Variants in UBE2H observed in about 807,000 individuals in gnomAD.
UBE2H encodes ubiquitin conjugating enzyme E2 H, also known as ubiquitin-conjugating enzyme E2 H.
In UBE2H, 3 loss-of-function variants were observed where a neutral mutation model predicts 29.0. The ratio of observed to expected loss-of-function variants is 0.10; its 90% confidence interval spans 0.05 to 0.27. The LOEUF is 0.27. UBE2H is among the 10% of genes least tolerant of loss of function. The pLI, the probability that UBE2H is intolerant of heterozygous loss-of-function variation, is 1.00. For synonymous variants in UBE2H, 69 were observed against 82.9 expected (o/e 0.83, Z 0.91); for missense variants, 68 against 228.2 (o/e 0.30, Z 4.52).
At chr7:129,885,875 TATA>T (rs1448730889) in intron 1 of UBE2H, among the ~76,000 whole-genome samples, 1 of 152,130 alleles carries the variant, frequency 6.6e-6, no homozygotes, top group Non-Finnish European at 1.5e-5. Flanking sequence ...CCACAAAATA[TATA>T]ATAATTACTT....
intron 1 of UBE2H, among the ~76,000 whole-genome samples, chr7:129,947,421 T>A (rs185793316): frequency 9.3e-4 from 141 of 152,270 alleles, no homozygotes; most frequent in Non-Finnish European, 1.7e-3. Context: ...AGGTTCCCAA[T>A]TGACACTAGA....
At chr7:129,873,845 T>C (rs975688237) in intron 3 of UBE2H, among the ~76,000 whole-genome samples, 4 of 152,108 alleles carry the variant, frequency 2.6e-5, no homozygotes, top group African/African-American at 4.8e-5. Flanking sequence ...TTCTCAACCA[T>C]TTCTCTTACC....
At chr7:129,912,937 A>G (rs1303376231) in intron 1 of UBE2H, among the ~76,000 whole-genome samples, 2 of 152,178 alleles carry the variant, frequency 1.3e-5, no homozygotes, top group Non-Finnish European at 2.9e-5. Context: ...ATAAAAGTCA[A>G]GGTTTCAAAG....
At chr7:129,934,638 TAAAAAAAAAAA>T (rs758214225) in intron 1 of UBE2H, among the ~76,000 whole-genome samples, 2 of 65,840 alleles carry the variant, frequency 3.0e-5, no homozygotes, top group African/African-American at 5.9e-5. Flanking sequence ...ACTCCGTCTT[TAAAAAAAAAAA>T]AAAAAAAAAA....
At chr7:129,946,936 A>C (rs1807777022) in intron 1 of UBE2H, among the ~76,000 whole-genome samples, 1 of 152,220 alleles carries the variant, frequency 6.6e-6, no homozygotes, top group African/African-American at 2.4e-5. Flanking sequence ...ATGCCTAAAA[A>C]TCCAATGATT....
intron 1 of UBE2H, among the ~76,000 whole-genome samples, chr7:129,926,656 C>T (rs902776065): frequency 1.3e-5 from 2 of 152,136 alleles, no homozygotes; most frequent in African/African-American, 4.8e-5. Flanking sequence ...TAATGTGCCA[C>T]AAATCCATTC....
At chr7:129,886,020 T>C (rs1259078834) in intron 1 of UBE2H, among the ~76,000 whole-genome samples, 1 of 152,234 alleles carries the variant, frequency 6.6e-6, no homozygotes, top group Non-Finnish European at 1.5e-5. Flanking sequence ...TTTCTGGATG[T>C]GCTGGTCAGG....
rs184455633 is a variant in UBE2H at position 129,890,266 on chromosome 7, T to C, written c.54-9295A>G. On this transcript the variant is annotated intron_variant, in intron 1 of 6. Transcript: ENST00000355621. ...ACACACGTATACATACACACGTATA[T>C]ATACACACGTATATATATACACGTG... 7.5e-4 allele frequency among the ~76,000 whole-genome samples: 112 copies of C among 150,100 alleles called. 3 individuals are homozygous for C. The East Asian group carries it at 0.02, about 27-fold the overall frequency.
In UBE2H at chr7:129,886,912, T is replaced by C. The variant is rs77358861; in HGVS notation, c.54-5941A>G. Among the ~76,000 whole-genome samples, 1,218 of 152,068 alleles carry C rather than the reference T, an allele frequency of 8.0e-3. 16 individuals carry two copies. Among genetic ancestry groups the C allele is most frequent in the African/African-American group, 0.028 (1,149 of 41,454 alleles). ...AAATGGAAATATTTACTAATAAAAA[T>C]GTTTCTAGGATTTGCTAGTAAATAA... On this transcript the variant is annotated intron_variant, in intron 1 of 6. Transcript: ENST00000355621.
At chr7:129,883,913 T>C (rs1806305338) in intron 1 of UBE2H, among the ~76,000 whole-genome samples, 1 of 152,038 alleles carries the variant, frequency 6.6e-6, no homozygotes, top group Non-Finnish European at 1.5e-5. Context: ...ACAGATTTCA[T>C]CAATGAACTA....
At chr7:129,839,420 T>G (rs1461092602) in intron 5 of UBE2H, 85 bp from the exon 6 acceptor site, 21 of 1,570,026 alleles carry the variant, frequency 1.3e-5, no homozygotes, top group Non-Finnish European at 1.7e-5. Flanking sequence ...GCTGCTTACC[T>G]TCTTAGATAT....
intron 3 of UBE2H, among the ~76,000 whole-genome samples, chr7:129,862,937 G>A (rs1163371199): frequency 6.6e-6 from 1 of 152,174 alleles, no homozygotes; most frequent in Non-Finnish European, 1.5e-5. Context: ...TGAGTGCTGG[G>A]GAATGGCAGA....
At chr7:129,865,948 G>C (rs116311229) in intron 3 of UBE2H, among the ~76,000 whole-genome samples, 9 of 152,050 alleles carry the variant, frequency 5.9e-5, no homozygotes, top group Non-Finnish European at 1.2e-4. Flanking sequence ...GAGTAAGGGT[G>C]GGGGGGTGCT....
intron 1 of UBE2H, among the ~76,000 whole-genome samples, chr7:129,950,823 C>G (rs1807859441): frequency 6.6e-6 from 1 of 152,168 alleles, no homozygotes; most frequent in Non-Finnish European, 1.5e-5. Context: ...TTCCTGCAGC[C>G]TTATGAAAAG....
At chr7:129,948,071 G>C (rs937964699) in intron 1 of UBE2H, among the ~76,000 whole-genome samples, 8 of 152,050 alleles carry the variant, frequency 5.3e-5, no homozygotes, top group Admixed American at 2.0e-4. Context: ...TGTTGGCCAG[G>C]CTTGTCCCGA....
chr7:129,894,324 T>C (rs753279945), intron 1 of UBE2H, among the ~76,000 whole-genome samples: 17 of 151,876 alleles, frequency 1.1e-4, no homozygotes, highest in Non-Finnish European at 2.1e-4. Flanking sequence ...CATGGTGGCA[T>C]GCGCCTGTAG....
intron 1 of UBE2H, among the ~76,000 whole-genome samples, chr7:129,944,704 C>T (rs915775008): frequency 6.1e-5 from 9 of 147,670 alleles, no homozygotes; most frequent in Non-Finnish European, 1.0e-4. Flanking sequence ...CACACGTGCG[C>T]ATGCGCTCAA....
intron 5 of UBE2H, among the ~76,000 whole-genome samples, chr7:129,845,423 T>C (rs1350559679): frequency 6.6e-6 from 1 of 152,170 alleles, no homozygotes; most frequent in African/African-American, 2.4e-5. Context: ...TGCTCGTAGG[T>C]TCTTTTTTGC....
intron 5 of UBE2H, among the ~76,000 whole-genome samples, chr7:129,852,954 G>A (rs190003071): frequency 2.0e-5 from 3 of 152,198 alleles, no homozygotes; most frequent in African/African-American, 7.2e-5. Context: ...TCGAACTCCC[G>A]ACCTAAGGTG....
Sources: allele counts gnomAD v4.1 joint callset (sites outside exome capture counted in the v4.1 genomes callset), GRCh38; gene constraint gnomAD v4.1.1; transcripts MANE v1.5; gene names NCBI Gene and HGNC (gene_info 2026-07-23, HGNC 2026-07-21).